Variants in PLEKHG5 observed in about 807,000 individuals in gnomAD.
The protein encoded by PLEKHG5 is pleckstrin homology and RhoGEF domain containing G5, also known as pleckstrin homology domain-containing family G member 5.
PLEKHG5 carries 52 observed loss-of-function variants against 103.8 expected under a neutral mutation model. The observed-to-expected ratio is 0.50, with a 90% CI of 0.40 to 0.63. The LOEUF is 0.63. Among genes scored for constraint, PLEKHG5 ranks in the 30% least tolerant of loss-of-function variants. The probability of loss-of-function intolerance (pLI) is 0.00; values close to 1 mark genes in which losing one functional copy is unlikely to be tolerated. For missense variants in PLEKHG5, 1,205 were observed against 1,347.6 expected (o/e 0.89, Z 1.66); for synonymous variants, 592 against 575.5 (o/e 1.03, Z -0.41).
intron 1 of PLEKHG5, among the ~76,000 whole-genome samples, chr1:6,482,761 A>T (rs899803016): frequency 1.7e-4 from 26 of 151,878 alleles, no homozygotes; most frequent in Admixed American, 5.2e-4. Flanking sequence ...CAGGCTGGAG[A>T]GCAGTGGCAT....
intron 1 of PLEKHG5, among the ~76,000 whole-genome samples, chr1:6,484,546 C>T (rs1468053231): frequency 6.6e-6 from 1 of 152,180 alleles, no homozygotes; most frequent in Non-Finnish European, 1.5e-5. Flanking sequence ...CTCCCTGGTG[C>T]AGTTTCTGCT....
At chr1:6,479,418 C>T (rs1644846356) in intron 1 of PLEKHG5, among the ~76,000 whole-genome samples, 1 of 151,462 alleles carries the variant, frequency 6.6e-6, no homozygotes, top group African/African-American at 2.4e-5. Context: ...TCCTGAGTAG[C>T]TGGGACTACA....
chr1:6,518,175 G>A (rs113165197), intron 1 of PLEKHG5, among the ~76,000 whole-genome samples: 12 of 151,338 alleles, frequency 7.9e-5, no homozygotes, highest in African/African-American at 2.2e-4. Flanking sequence ...CTTGTGATCC[G>A]CCCGCCTCAG....
chr1:6,516,773 ATATG>A (rs1214112305), intron 1 of PLEKHG5, among the ~76,000 whole-genome samples: 1 of 130,720 alleles, frequency 7.6e-6, no homozygotes, highest in African/African-American at 2.9e-5. Flanking sequence ...ATGTGTATAT[ATATG>A]TGTGTGTGTT....
chr1:6,503,513 T>C (rs1003682077), intron 1 of PLEKHG5, among the ~76,000 whole-genome samples: 2 of 151,800 alleles, frequency 1.3e-5, no homozygotes, highest in Non-Finnish European at 1.5e-5. Context: ...GTTCAAGTGA[T>C]TCTCCTGCCT....
At chr1:6,516,226 C>G (rs1384633298) in intron 1 of PLEKHG5, among the ~76,000 whole-genome samples, 1 of 151,684 alleles carries the variant, frequency 6.6e-6, no homozygotes, top group Non-Finnish European at 1.5e-5. Flanking sequence ...CTTTCAGAGA[C>G]CAGCCTAAGC....
In PLEKHG5 at chr1:6,468,026, C is replaced by A. The variant is rs1219129163; in HGVS notation, c.2810G>T (p.Ser937Ile). 1.3e-6 allele frequency: 2 copies of A among 1,553,738 alleles called. No homozygotes were observed. The highest frequency in any genetic ancestry group is 8.7e-7 in the Non-Finnish European group (1 of 1,151,564). Residue 937 changes from serine to isoleucine, a missense_variant, in exon 20 of 21, where the codon AGC (serine) becomes ATC (isoleucine). Physicochemically the swap from Ser to Ile is moderately radical, Grantham distance 142 (BLOSUM62 -2). Transcript: ENST00000377728. ...WDCRGAPSPG[S>I]GPGLVGCLAG... ...CAGGCAGCCGACTAGCCCAGGACCG[C>A]TGCCAGGGCTAGGGGCCCCTCGGCA... is the stretch of plus-strand genomic sequence containing the variant.
chr1:6,519,213 T>G (rs577928137), intron 1 of PLEKHG5, among the ~76,000 whole-genome samples: 2 of 152,328 alleles, frequency 1.3e-5, no homozygotes, highest in Admixed American at 1.3e-4. Flanking sequence ...GTCCCCCTCC[T>G]CTGCCCTCAA....
At position 6,474,906 on chromosome 1, in the gene PLEKHG5, G is replaced by A. The variant is rs80277106; in HGVS notation, c.302+141C>T. The A allele has an allele frequency of 2.9e-3, 2,234 of 764,998 alleles. 37 individuals are homozygous for A. The African/African-American group carries it at 0.031, about 10-fold the overall frequency. The allele number at this position is 764,998 out of a possible 1,614,324, so 47.4% of individuals were successfully genotyped here. ...CTCACACTGGCGTGCACACCAGCAC[G>A]GGTCTGCCCACGCAGGGATGCGCTC... On this transcript the variant is annotated intron_variant, in intron 5 of 20. Coordinates refer to ENST00000377728, the MANE Select transcript of PLEKHG5 (RefSeq NM_020631.6).
At chr1:6,513,803 A>C (rs1162734830) in intron 1 of PLEKHG5, among the ~76,000 whole-genome samples, 6 of 152,150 alleles carry the variant, frequency 3.9e-5, no homozygotes, top group Non-Finnish European at 8.8e-5. Flanking sequence ...CCCAGCAGAG[A>C]CCCAGGCTGC....
At chr1:6,508,168 G>A (rs1004366278) in intron 1 of PLEKHG5, among the ~76,000 whole-genome samples, 2 of 82,310 alleles carry the variant, frequency 2.4e-5, no homozygotes, top group African/African-American at 8.5e-5. Context: ...GGACGCCCCT[G>A]CTGCAGCGGT....
chr1:6,468,418 A>G lies in PLEKHG5; in HGVS notation c.2418T>C (p.Gly806=). 6.2e-7 allele frequency: 1 copy of G among 1,612,382 alleles called. No individual in the cohort carries two copies. Among genetic ancestry groups the G allele is most frequent in the Non-Finnish European group, 8.5e-7 (1 of 1,179,556 alleles). ...TGGAGCAGGAGCGGCCGTCCACCGG[A>G]CCCAGGGGCAGCAGCTCACTGGTGG... is the stretch of plus-strand genomic sequence containing the variant. ...ATPTSELLPL[G]PVDGRSCSMD... is the part of the protein sequence containing the mutation. The change falls in exon 20 of 21, where the codon GGT becomes GGC. Residue 806 remains glycine (G), a synonymous_variant. Transcript: ENST00000377728.
chr1:6,495,478 A>G (rs559699918), upstream of PLEKHG5, among the ~76,000 whole-genome samples: 242 of 152,306 alleles, frequency 1.6e-3, 1 homozygote, highest in Non-Finnish European at 2.6e-3. Context: ...GCTGAGACAC[A>G]TGATGGAAGA....
At chr1:6,485,790 C>A in intron 1 of PLEKHG5, 1 of 777,648 alleles carries the variant, frequency 1.3e-6, no homozygotes, top group South Asian at 5.9e-5. Context: ...GCCCAGTCCC[C>A]GGGACCCCCA....
chr1:6,488,842 C>T (rs1017330084), intron 1 of PLEKHG5, among the ~76,000 whole-genome samples: 1 of 152,104 alleles, frequency 6.6e-6, no homozygotes. Flanking sequence ...GAAACTGATA[C>T]CCAGAAACCA....
chr1:6,485,751 G>T, intron 1 of PLEKHG5: 1 of 434,974 alleles, frequency 2.3e-6, no homozygotes, highest in Non-Finnish European at 3.0e-6. Context: ...ACCTCTGCCC[G>T]GCCGGGGGAC....
In PLEKHG5 at chr1:6,469,668, C is replaced by T. The variant is rs1644508779; in HGVS notation, c.1809G>A (p.Val603=). 1 of 1,613,026 alleles carries T rather than the reference C, an allele frequency of 6.2e-7. No individual in the cohort carries two copies. The highest frequency in any genetic ancestry group is 8.5e-7 in the Non-Finnish European group (1 of 1,179,924). ...MKEGKDSKMD[V]YCFLFTDLLL... Reference sequence around the variant, plus strand: ...GCAGATCCGTGAAGAGGAAGCAGTACACATCCATCTGCAGTGGCAGGAGGG... The same window carrying T: ...GCAGATCCGTGAAGAGGAAGCAGTATACATCCATCTGCAGTGGCAGGAGGG... Residue 603 remains valine (V), a synonymous_variant, in exon 17 of 21, where the codon GTG becomes GTA. Transcript: ENST00000377728.
rs1354956274 is a variant in PLEKHG5, at chr1:6,467,466, T to G, written c.*97A>C. ...TCCTGCCCAGCATCCGGCTCATGCA[T>G]ACAGGAGGCAGTAGCTGAAGCAGGT... On this transcript the variant is annotated 3_prime_UTR_variant, in exon 21 of 21. Coordinates refer to ENST00000377728, the MANE Select transcript of PLEKHG5 (RefSeq NM_020631.6). 1 of 1,187,658 alleles carries G rather than the reference T, an allele frequency of 8.4e-7. No homozygotes were observed. Among genetic ancestry groups the G allele is most frequent in the Non-Finnish European group, 1.3e-6 (1 of 792,274 alleles). 73.6% of individuals were successfully genotyped at this position (1,187,658 alleles called of 1,614,324 possible).
chr1:6,485,605 T>G, intron 1 of PLEKHG5: 2 of 505,790 alleles, frequency 4.0e-6, no homozygotes, highest in African/African-American at 4.9e-5. Flanking sequence ...GACACCTCCC[T>G]CCCGCCCGGG....
Sources: gnomAD v4.1 joint callset for allele counts (sites outside exome capture counted in the v4.1 genomes callset) on GRCh38, gnomAD v4.1.1 for gene constraint, MANE v1.5 for transcripts, NCBI Gene and HGNC (gene_info 2026-07-23, HGNC 2026-07-21) for gene names.